IFRD1: variants seen among roughly 807,000 people sequenced by gnomAD.
IFRD1 encodes the protein interferon-related developmental regulator 1.
Under a neutral mutation model 52.9 loss-of-function variants are expected in IFRD1, and 35 were observed. The ratio of observed to expected loss-of-function variants is 0.66; its 90% CI spans 0.51 to 0.88. IFRD1 has a LOEUF of 0.88. Among genes scored for constraint, IFRD1 ranks in the 40% least tolerant of loss-of-function variants. The pLI is 0.00. For missense variants in IFRD1, 517 were observed against 550.8 expected (o/e 0.94, Z 0.61); for synonymous variants, 184 against 188.4 (o/e 0.98, Z 0.19).
intron 1 of IFRD1, among the ~76,000 whole-genome samples, chr7:112,452,958 T>C (rs2117284894): frequency 6.6e-6 from 1 of 152,348 alleles, no homozygotes; most frequent in East Asian, 1.9e-4. Flanking sequence ...GGGTGAGATT[T>C]ACTTTTTAAA....
intron 1 of IFRD1, among the ~76,000 whole-genome samples, chr7:112,454,958 C>T (rs76283700): frequency 0.16 from 24,333 of 148,742 alleles, 2,128 homozygotes; most frequent in South Asian, 0.3. Flanking sequence ...CGTCTGCCTC[C>T]GAGGCTCAAG....
At chr7:112,450,453 C>T (rs1490907523), upstream of IFRD1, 2 of 571,136 alleles carry the variant, frequency 3.5e-6, no homozygotes, top group South Asian at 3.9e-5. Flanking sequence ...GTGGCCTCCC[C>T]TGCCCCGCCT....
intron 1 of IFRD1, among the ~76,000 whole-genome samples, chr7:112,441,226 C>T (rs1794877905): frequency 6.6e-6 from 1 of 151,964 alleles, no homozygotes; most frequent in South Asian, 2.1e-4. Flanking sequence ...AGTGAGCCAA[C>T]ACCACGCCAC....
At chr7:112,465,073 T>A (rs948994558) in intron 8 of IFRD1, among the ~76,000 whole-genome samples, 1 of 152,218 alleles carries the variant, frequency 6.6e-6, no homozygotes, top group Admixed American at 6.5e-5. Context: ...TCTCACTCTG[T>A]TGCCCAGGCT....
At chr7:112,425,151 A>G (rs1420740184) in intron 1 of IFRD1, among the ~76,000 whole-genome samples, 2 of 152,176 alleles carry the variant, frequency 1.3e-5, no homozygotes, top group Non-Finnish European at 2.9e-5. Context: ...GATTATAGGT[A>G]TGGCACCATG....
chr7:112,463,865 C>A (rs62474584), intron 8 of IFRD1, among the ~76,000 whole-genome samples: 1 of 30,950 alleles, frequency 3.2e-5, no homozygotes, highest in African/African-American at 2.2e-4. Flanking sequence ...CACACACACA[C>A]ACACACACAC....
At chr7:112,427,646 C>A (rs1355274039) in intron 1 of IFRD1, among the ~76,000 whole-genome samples, 3 of 152,180 alleles carry the variant, frequency 2.0e-5, no homozygotes, top group African/African-American at 4.8e-5. Flanking sequence ...ATTCTGTCTT[C>A]TGTGTTTAAT....
upstream of IFRD1, chr7:112,450,404 A>C: frequency 2.1e-6 from 1 of 477,646 alleles, no homozygotes; most frequent in South Asian, 2.1e-5. Context: ...CCCCGCCCAC[A>C]GAGTGACGTC....
Position 112,450,777 on chromosome 7 carries a change from C to G in IFRD1, c.89C>G (p.Thr30Arg). Residue 30 changes from threonine (T) to arginine (R), a missense_variant, in exon 1 of 12, where the codon ACA (threonine) becomes AGA (arginine). Transcript: ENST00000403825. ...GSGAAAATAATAGGQHRNVQP... is the reference protein window; with the variant it reads ...GSGAAAATAARAGGQHRNVQP... The stretch of plus-strand genomic sequence containing the variant: ...GGAGCAGCCGCAGCGACGGCGGCGA[C>G]AGCAGGTAAGGGGTATCCCCGCCGC... The G allele has an allele frequency of 6.2e-7, 1 of 1,611,278 alleles. No homozygotes were observed. Among genetic ancestry groups the G allele is most frequent in the Non-Finnish European group, 8.5e-7 (1 of 1,178,570 alleles).
At chr7:112,462,615 A>G (rs1200921891) in intron 8 of IFRD1, among the ~76,000 whole-genome samples, 1 of 152,128 alleles carries the variant, frequency 6.6e-6, no homozygotes, top group Non-Finnish European at 1.5e-5. Context: ...CTATCTATAG[A>G]ACTGAAGTTT....
chr7:112,465,541 A>T (rs1354802210), intron 8 of IFRD1, among the ~76,000 whole-genome samples: 1 of 151,964 alleles, frequency 6.6e-6, no homozygotes, highest in Non-Finnish European at 1.5e-5. Flanking sequence ...GTTAGGTTCA[A>T]ACAGGCTGTT....
chr7:112,435,986 GA>G (rs1466271247), intron 1 of IFRD1, among the ~76,000 whole-genome samples: 1 of 151,392 alleles, frequency 6.6e-6, no homozygotes, highest in Non-Finnish European at 1.5e-5. Context: ...GGGTTCAAGT[GA>G]TTCTCTTGCC....
chr7:112,431,940 A>G (rs1794556750), intron 1 of IFRD1, among the ~76,000 whole-genome samples: 1 of 152,192 alleles, frequency 6.6e-6, no homozygotes, highest in African/African-American at 2.4e-5. Flanking sequence ...TCTACATCCT[A>G]TGTGCTCAAT....
In IFRD1 at chr7:112,455,764, T is replaced by G; in HGVS notation, c.96T>G (p.Gly32=). The G allele has an allele frequency of 6.3e-7, 1 of 1,599,102 alleles. No individual in the cohort carries two copies. Among genetic ancestry groups the G allele is most frequent in the Non-Finnish European group, 8.6e-7 (1 of 1,166,486 alleles). ...CCTCTTTCCTCTTTTACCTAATAGG[T>G]GGCCAGCATCGAAATGTTCAGCCTT... ...GAAAATAATA[G]GQHRNVQPFS... Residue 32 remains glycine (G), a splice_region_variant and synonymous_variant, in exon 2 of 12, where the codon GGT becomes GGG. Coordinates refer to ENST00000403825, the MANE Select transcript of IFRD1 (RefSeq NM_001550.4).
chr7:112,456,574 T>TAA (rs143207114), intron 3 of IFRD1, among the ~76,000 whole-genome samples: 10 of 152,008 alleles, frequency 6.6e-5, no homozygotes, highest in African/African-American at 2.2e-4. Context: ...TTTATAGTTT[T>TAA]AAAAAAAGTG....
At chr7:112,468,314 A>C (rs896159442) in intron 9 of IFRD1, among the ~76,000 whole-genome samples, 199 bp downstream of exon 9, 1 of 152,092 alleles carries the variant, frequency 6.6e-6, no homozygotes, top group Non-Finnish European at 1.5e-5. Flanking sequence ...TGGTGTATAA[A>C]GATACTTTAT....
At chr7:112,455,188 A>G (rs1795258920) in intron 1 of IFRD1, among the ~76,000 whole-genome samples, 1 of 152,092 alleles carries the variant, frequency 6.6e-6, no homozygotes, top group African/African-American at 2.4e-5. Flanking sequence ...GTGTCATAAA[A>G]AAATGAGTGC....
chr7:112,471,816 C>T (rs1267465345), intron 9 of IFRD1, among the ~76,000 whole-genome samples: 2 of 152,060 alleles, frequency 1.3e-5, no homozygotes, highest in Non-Finnish European at 2.9e-5. Context: ...TTCCCTGGAT[C>T]CCTACTGCCC....
upstream of IFRD1, among the ~76,000 whole-genome samples, chr7:112,445,487 A>G (rs1305262936): frequency 6.6e-6 from 1 of 152,218 alleles, no homozygotes; most frequent in African/African-American, 2.4e-5. Flanking sequence ...TTTTCTGCGT[A>G]GGGTTGTTGT....
Sources: gnomAD v4.1 joint callset for allele counts (sites outside exome capture counted in the v4.1 genomes callset) on GRCh38, gnomAD v4.1.1 for gene constraint, MANE v1.5 for transcripts, NCBI Gene and HGNC (gene_info 2026-07-23, HGNC 2026-07-21) for gene names.